SYNE1: variants seen among roughly 807,000 people sequenced by gnomAD.
SYNE1 encodes the protein spectrin repeat containing nuclear envelope protein 1.
SYNE1 carries 616 observed loss-of-function variants against 1,111.0 expected under a neutral mutation model. The observed-to-expected ratio is 0.55, with a 90% confidence interval of 0.52 to 0.59. The LOEUF (loss-of-function observed/expected upper bound fraction) is 0.59. Ranked by LOEUF, SYNE1 falls within the 20% of genes least tolerant of loss-of-function variation. SYNE1 has a pLI of 0.00. For synonymous variants in SYNE1, 3,855 were observed against 3,825.8 expected (o/e 1.01, Z -0.28); for missense variants, 10,006 against 10,417.0 (o/e 0.96, Z 1.72).
In SYNE1 at chr6:152,376,489, G is replaced by A; in HGVS notation, c.9216C>T (p.Ala3072=). The A allele has an allele frequency of 1.2e-6, 2 of 1,614,150 alleles. No individual in the cohort carries two copies. The highest frequency in any genetic ancestry group is 1.7e-6 in the Non-Finnish European group (2 of 1,180,036). Residue 3072 remains alanine, a synonymous_variant, in exon 58 of 146, where the codon GCC becomes GCT. Transcript: ENST00000367255. ...CCAACCACTGCTGGAAATCCCTGAA[G>A]GCCTTTCGAAATCTTTGCTGTAAAA... is the stretch of plus-strand genomic sequence containing the variant. The part of the protein sequence containing the change: ...EQILQQRFRK[A]FRDFQQWLVN...
intron 117 of SYNE1, among the ~76,000 whole-genome samples, 193 bp from the exon 118 acceptor site, chr6:152,221,752 G>A (rs973283373): frequency 1.3e-5 from 2 of 152,054 alleles, no homozygotes; most frequent in African/African-American, 4.8e-5. Flanking sequence ...TGTTATTTTG[G>A]CTATGAGAAG....
intron 11 of SYNE1, among the ~76,000 whole-genome samples, chr6:152,495,821 C>G (rs892927153): frequency 6.6e-6 from 1 of 152,228 alleles, no homozygotes; most frequent in Admixed American, 6.5e-5. Context: ...GAACCCCTTC[C>G]CGTCCCTTGT....
At chr6:152,590,579 C>T (rs1051488008) in intron 3 of SYNE1, among the ~76,000 whole-genome samples, 1 of 152,042 alleles carries the variant, frequency 6.6e-6, no homozygotes, top group African/African-American at 2.4e-5. Context: ...TTTCTTGTTG[C>T]CAAGTGCAAA....
At chr6:152,432,275 C>T (rs935958671) in intron 34 of SYNE1, among the ~76,000 whole-genome samples, 1 of 151,994 alleles carries the variant, frequency 6.6e-6, no homozygotes, top group African/African-American at 2.4e-5. Context: ...ATCCTAAGAT[C>T]GTTTTAAAGG....
chr6:152,579,767 T>G (rs903569785), intron 3 of SYNE1, among the ~76,000 whole-genome samples: 2 of 152,208 alleles, frequency 1.3e-5, no homozygotes, highest in Non-Finnish European at 2.9e-5. Flanking sequence ...GGTAACAACA[T>G]GTGGTACTTG....
rs899182753 is a variant in SYNE1 at position 152,281,898 on chromosome 6, C to A, written c.18290G>T (p.Ser6097Ile). The A allele has an allele frequency of 2.7e-5, 43 of 1,614,084 alleles. No homozygotes were observed. The highest frequency in any genetic ancestry group is 3.6e-5 in the Non-Finnish European group (43 of 1,180,044). Residue 6097 changes from serine (S) to isoleucine (I), a missense_variant, in exon 97 of 146, where the codon AGC (serine) becomes ATC (isoleucine). Physicochemically the swap from Ser to Ile is moderately radical, Grantham distance 142. This residue lies in a region of SYNE1 where 99 missense variants were observed against 147.8 expected (regional missense o/e 0.67). Transcript: ENST00000367255. ...AGTGGCCTTGGTACTCAAGAGCCAG[C>A]TGTCCAGCTCATCGGCTTCACAGCG... Reference protein sequence around the residue: ...RYRCEADELDSWLLSTKATLD... With the variant: ...RYRCEADELDIWLLSTKATLD...
chr6:152,198,984 T>TTA (rs2074789093), intron 127 of SYNE1, among the ~76,000 whole-genome samples: 1 of 135,362 alleles, frequency 7.4e-6, no homozygotes, highest in Non-Finnish European at 1.6e-5. Flanking sequence ...CTTCAATTTG[T>TTA]AAAAAAAAAA....
intron 100 of SYNE1, among the ~76,000 whole-genome samples, chr6:152,267,424 C>T (rs942057254): frequency 2.6e-5 from 4 of 152,168 alleles, no homozygotes; most frequent in Non-Finnish European, 5.9e-5. Context: ...CTAAATTCTA[C>T]AGAGGAGGCT....
At chr6:152,410,671 C>T (rs1429826134) in intron 42 of SYNE1, among the ~76,000 whole-genome samples, 3 of 152,150 alleles carry the variant, frequency 2.0e-5, no homozygotes, top group Admixed American at 1.3e-4. Flanking sequence ...GTAGAGGTTG[C>T]AGTGAGCCAA....
At chr6:152,605,033 A>AGAGAGGGG (rs1565142190) in intron 3 of SYNE1, among the ~76,000 whole-genome samples, 1 of 25,420 alleles carries the variant, frequency 3.9e-5, no homozygotes. Flanking sequence ...AGAGAGAGAG[A>AGAGAGGGG]GAGGGAGGGA....
chr6:152,493,008 A>C (rs1366291260), intron 11 of SYNE1, among the ~76,000 whole-genome samples: 2 of 152,048 alleles, frequency 1.3e-5, no homozygotes, highest in Non-Finnish European at 2.9e-5. Flanking sequence ...TTCTCTGACT[A>C]TTCCTGGGCT....
At chr6:152,346,606 C>A (rs947654875) in intron 73 of SYNE1, among the ~76,000 whole-genome samples, 2 of 152,014 alleles carry the variant, frequency 1.3e-5, no homozygotes, top group South Asian at 2.1e-4. Context: ...GTCAGGAGAT[C>A]GAAACCATCC....
chr6:152,201,135 T>C (rs905630942), intron 127 of SYNE1, among the ~76,000 whole-genome samples: 2 of 152,196 alleles, frequency 1.3e-5, no homozygotes, highest in Non-Finnish European at 2.9e-5. Context: ...ACGTTTGATA[T>C]GATCAGCCTA....
chr6:152,461,624 C>A lies in SYNE1; in HGVS notation c.2367G>T (p.Met789Ile). The A allele has an allele frequency of 6.2e-7, 1 of 1,614,020 alleles. No individual in the cohort carries two copies. Reference sequence around the variant, plus strand: ...TGGTTAGCTGCTCTTTGAGCTTTGACATGGTCGCAAACATTTCTTTTCCTT... The same window carrying A: ...TGGTTAGCTGCTCTTTGAGCTTTGAAATGGTCGCAAACATTTCTTTTCCTT... The part of the protein sequence containing the change: ...QEEGKEMFAT[M>I]SKLKEQLTKV... The change falls in exon 21 of 146, where the codon ATG becomes ATT. Residue 789 changes from methionine (M) to isoleucine (I), a missense_variant. Physicochemically the swap from Met to Ile is conservative, Grantham distance 10. Around this residue, in one of 7 missense-constraint regions of SYNE1, gnomAD observed 1,971 missense variants for 2,084.1 expected, o/e 0.95. Transcript: ENST00000367255.
At chr6:152,151,716 C>G (rs1168955954) in intron 134 of SYNE1, 26 bp from the exon 135 acceptor site, 1 of 1,609,790 alleles carries the variant, frequency 6.2e-7, no homozygotes. Flanking sequence ...AAAGTAGTAA[C>G]AATTATTTTT....
chr6:152,558,976 T>TA (rs1554911550), intron 3 of SYNE1, among the ~76,000 whole-genome samples: 1 of 139,964 alleles, frequency 7.1e-6, no homozygotes, highest in Non-Finnish European at 1.5e-5. Context: ...CATATTTAAT[T>TA]TTTATTTATT....
intron 65 of SYNE1, among the ~76,000 whole-genome samples, chr6:152,359,064 A>G (rs186057368): frequency 1.3e-5 from 2 of 152,080 alleles, no homozygotes; most frequent in Admixed American, 1.3e-4. Flanking sequence ...GGTGTCCAGA[A>G]TTTTTTTTAA....
At chr6:152,608,222 T>C (rs951576701) in intron 3 of SYNE1, among the ~76,000 whole-genome samples, 15 of 152,222 alleles carry the variant, frequency 9.9e-5, no homozygotes, top group African/African-American at 3.6e-4. Flanking sequence ...TGCGCTCTCT[T>C]GCTTGCTTGC....
chr6:152,358,379 A>G lies in SYNE1; in HGVS notation c.10602T>C (p.Asp3534=), dbSNP rs1341301518. The change falls in exon 66 of 146, where the codon GAT becomes GAC. Residue 3534 remains aspartate, a synonymous_variant. Transcript: ENST00000367255. ...DAHTHETTLR[D]LQELQVHCAE... ...AGGATAAAGGAGGCCTTACCTGAAG[A>G]TCACGCAATGTTGTCTCATGAGTGT... is the stretch of plus-strand genomic sequence containing the variant. 1 of 1,614,078 alleles carries G rather than the reference A, an allele frequency of 6.2e-7. No individual in the cohort carries two copies. Among genetic ancestry groups the G allele is most frequent in the African/African-American group, 1.3e-5 (1 of 74,944 alleles).
Sources: allele counts gnomAD v4.1 joint callset (sites outside exome capture counted in the v4.1 genomes callset), GRCh38; gene constraint gnomAD v4.1.1; regional missense constraint gnomAD v4.1.1; transcripts MANE v1.5; gene names NCBI Gene and HGNC (gene_info 2026-07-23, HGNC 2026-07-21).